Variants in TEAD4 observed in about 807,000 individuals in gnomAD.
TEAD4 encodes the protein transcriptional enhancer factor TEF-3.
Under a neutral mutation model 52.4 loss-of-function variants are expected in TEAD4, and 36 were observed. The ratio of observed to expected loss-of-function variants is 0.69; its 90% confidence interval spans 0.53 to 0.91. The LOEUF is 0.91. Among genes scored for constraint, TEAD4 ranks in the 40% least tolerant of loss-of-function variants. The probability of loss-of-function intolerance (pLI) is 0.00; values close to 1 mark genes in which losing one functional copy is unlikely to be tolerated. For missense variants in TEAD4, 508 were observed against 583.9 expected, an observed-to-expected ratio of 0.87 and a Z score of 1.34; for synonymous variants, 220 against 231.0, an observed-to-expected ratio of 0.95 and a Z score of 0.43.
chr12:2,987,941 G>A (rs2098239951), intron 2 of TEAD4, among the ~76,000 whole-genome samples: 2 of 151,510 alleles, frequency 1.3e-5, no homozygotes, highest in Admixed American at 6.6e-5. Flanking sequence ...GGTGGCACAT[G>A]CCTGTAATCC....
Position 3,040,648 on chromosome 12 carries a change from A to C in TEAD4, c.*170A>C. On this transcript the variant is annotated 3_prime_UTR_variant, in exon 13 of 13. Transcript: ENST00000359864. ...AACCTGAGGTGCCCAACCCCAAATA[A>C]ACCCAAGATGCTGTGTATTTTCAGA... The C allele has an allele frequency of 2.6e-5, 16 of 622,192 alleles. 2 individuals are homozygous for C. In the South Asian group the frequency reaches 2.7e-4, roughly 10 times the overall value. 38.5% of individuals were successfully genotyped at this position (622,192 alleles called of 1,614,324 possible).
intron 10 of TEAD4, among the ~76,000 whole-genome samples, chr12:3,037,363 C>A (rs1038266264): frequency 6.6e-6 from 1 of 152,124 alleles, no homozygotes; most frequent in African/African-American, 2.4e-5. Context: ...GTCAAAAGAT[C>A]CAAGGTGACG....
chr12:2,988,102 A>G (rs1316648621), intron 2 of TEAD4, among the ~76,000 whole-genome samples: 1 of 151,972 alleles, frequency 6.6e-6, no homozygotes, highest in African/African-American at 2.4e-5. Context: ...AAAATAAAAA[A>G]TCACAATTTC....
rs576159497 is a variant in TEAD4, at chr12:2,998,935, A to C, written c.226+3943A>C. On this transcript the variant is annotated intron_variant, in intron 3 of 12. Transcript: ENST00000359864. ...CCCACAGCACCTGTCCTGCATGAGA[A>C]TAGGTTCTGCTGGGATCCAGACACC... Among the ~76,000 whole-genome samples, 11 of 152,264 alleles carry C rather than the reference A, an allele frequency of 7.2e-5. 1 individual carries two copies. In the South Asian group the frequency reaches 2.3e-3, roughly 32 times the overall value.
intron 2 of TEAD4, among the ~76,000 whole-genome samples, chr12:2,982,343 C>T (rs551043531): frequency 2.0e-5 from 3 of 152,276 alleles, no homozygotes; most frequent in Admixed American, 2.0e-4. Context: ...TACCCTGTAG[C>T]TTTTGGTTGG....
chr12:2,985,257 CA>C (rs2098237194), intron 2 of TEAD4, among the ~76,000 whole-genome samples: 1 of 151,680 alleles, frequency 6.6e-6, no homozygotes, highest in Admixed American at 6.6e-5. Flanking sequence ...TGGTGGCAGG[CA>C]CCTGTAGTCC....
chr12:3,033,473 G>T (rs775945244), intron 10 of TEAD4, among the ~76,000 whole-genome samples: 1 of 152,192 alleles, frequency 6.6e-6, no homozygotes, highest in Non-Finnish European at 1.5e-5. Context: ...CATTAACGCC[G>T]CTCTGCACAT....
chr12:3,011,380 G>A (rs568454845), intron 4 of TEAD4, among the ~76,000 whole-genome samples: 1 of 151,962 alleles, frequency 6.6e-6, no homozygotes, highest in Non-Finnish European at 1.5e-5. Context: ...ATAGTCACCC[G>A]CCACAATGCC....
chr12:2,992,494 CCTT>C (rs1243585639), intron 2 of TEAD4, among the ~76,000 whole-genome samples: 1 of 152,172 alleles, frequency 6.6e-6, no homozygotes, highest in Non-Finnish European at 1.5e-5. Context: ...AGGAAATTGT[CCTT>C]CTCACAGGCC....
At chr12:2,973,149 G>T (rs2098226648) in intron 2 of TEAD4, among the ~76,000 whole-genome samples, 1 of 152,174 alleles carries the variant, frequency 6.6e-6, no homozygotes, top group South Asian at 2.1e-4. Flanking sequence ...ATAGCTCACT[G>T]CAGCCTTGAC....
chr12:3,030,647 G>A (rs568505595), intron 10 of TEAD4, among the ~76,000 whole-genome samples: 2 of 152,210 alleles, frequency 1.3e-5, no homozygotes, highest in South Asian at 2.1e-4. Flanking sequence ...GTTACTTGCT[G>A]TTGTCCTTCT....
At chr12:2,971,671 T>G (rs1451651670) in intron 2 of TEAD4, among the ~76,000 whole-genome samples, 1 of 151,438 alleles carries the variant, frequency 6.6e-6, no homozygotes, top group Non-Finnish European at 1.5e-5. Flanking sequence ...GAGACGGGGT[T>G]TCACCATGTT....
intron 2 of TEAD4, among the ~76,000 whole-genome samples, chr12:2,976,538 T>C (rs530023804): frequency 6.6e-6 from 1 of 152,284 alleles, no homozygotes; most frequent in African/African-American, 2.4e-5. Context: ...ACCTGTATCA[T>C]CACAGCTTTG....
intron 2 of TEAD4, among the ~76,000 whole-genome samples, chr12:2,962,346 A>ATATATATATATATATT (rs1350931012): frequency 7.8e-6 from 1 of 128,060 alleles, no homozygotes; most frequent in Admixed American, 9.0e-5. Flanking sequence ...ATATATATAT[A>ATATATATATATATATT]TTTTTTGAGA....
intron 2 of TEAD4, among the ~76,000 whole-genome samples, chr12:2,991,877 A>G (rs2098243271): frequency 2.0e-5 from 3 of 151,988 alleles, no homozygotes; most frequent in Admixed American, 2.0e-4. Context: ...AGGGCTGAGA[A>G]CAAGACCTTG....
At chr12:3,033,354 G>C (rs1333914251) in intron 10 of TEAD4, among the ~76,000 whole-genome samples, 1 of 152,208 alleles carries the variant, frequency 6.6e-6, no homozygotes, top group Non-Finnish European at 1.5e-5. Flanking sequence ...GCGCCACGGG[G>C]CCTGGAGCGA....
At chr12:3,023,074 A>T (rs2098269790) in intron 10 of TEAD4, among the ~76,000 whole-genome samples, 1 of 152,190 alleles carries the variant, frequency 6.6e-6, no homozygotes, top group Non-Finnish European at 1.5e-5. Flanking sequence ...ACAGCTGAAC[A>T]TGGGGGCAGG....
At chr12:3,003,688 T>G (rs1417281641) in intron 3 of TEAD4, among the ~76,000 whole-genome samples, 1 of 152,140 alleles carries the variant, frequency 6.6e-6, no homozygotes, top group African/African-American at 2.4e-5. Context: ...CGGACACATG[T>G]GCTCTGACAG....
At chr12:3,035,823 C>A (rs200840485) in intron 10 of TEAD4, among the ~76,000 whole-genome samples, 890 of 120,730 alleles carry the variant, frequency 7.4e-3, no homozygotes, top group Non-Finnish European at 9.8e-3. Flanking sequence ...CTGTCTTTAA[C>A]AAAAAAAAAA....
Sources: allele counts gnomAD v4.1 joint callset (sites outside exome capture counted in the v4.1 genomes callset), GRCh38; gene constraint gnomAD v4.1.1; transcripts MANE v1.5; gene names NCBI Gene and HGNC (gene_info 2026-07-23, HGNC 2026-07-21).